GEMIN2: variants seen among roughly 807,000 people sequenced by gnomAD.
The protein encoded by GEMIN2 is gem-associated protein 2.
In GEMIN2, 37 loss-of-function variants were observed where a neutral mutation model predicts 45.8. That is an observed-to-expected ratio of 0.81 (90% CI 0.62 to 1.06). The LOEUF (loss-of-function observed/expected upper bound fraction) is 1.06, where lower values mean the gene tolerates loss of function less well. Among genes scored for constraint, GEMIN2 ranks in the 50% least tolerant of loss-of-function variants. The pLI, the probability that GEMIN2 is intolerant of heterozygous loss-of-function variation, is 0.00. For synonymous variants in GEMIN2, 101 were observed against 111.5 expected (o/e 0.91, Z 0.60); for missense variants, 335 against 321.8 (o/e 1.04, Z -0.31).
Position 39,114,438 on chromosome 14 carries a change from C to A in GEMIN2, c.100C>A (p.Pro34Thr), listed in dbSNP as rs750374468. ...DLTEGFDPSV[P>T]PRTPQEYLRR... ...GACGGAAGGTTTCGATCCCTCGGTA[C>A]CCCCGAGGACGCCTCAGGAATACCT... is the stretch of plus-strand genomic sequence containing the variant. Residue 34 changes from proline (P) to threonine (T), a missense_variant, in exon 1 of 10, where the codon CCC becomes ACC. Transcript: ENST00000308317. 24 of 1,613,600 alleles carry A rather than the reference C, an allele frequency of 1.5e-5. No homozygotes were observed. The East Asian group carries it at 3.3e-4, about 22-fold the overall frequency.
intron 8 of GEMIN2, among the ~76,000 whole-genome samples, 159 bp downstream of exon 8, chr14:39,132,227 T>C (rs2052726226): frequency 6.6e-6 from 1 of 152,124 alleles, no homozygotes; most frequent in Non-Finnish European, 1.5e-5. Context: ...TATGGAAATG[T>C]TTTCTGAGAT....
At chr14:39,132,145 A>G in intron 8 of GEMIN2, 77 bp downstream of exon 8, 1 of 741,802 alleles carries the variant, frequency 1.3e-6, no homozygotes. Context: ...TCAGTGAAAT[A>G]GGAAAACACA....
chr14:39,131,474 G>T (rs1486799443), intron 7 of GEMIN2, among the ~76,000 whole-genome samples: 3 of 152,152 alleles, frequency 2.0e-5, no homozygotes, highest in Admixed American at 2.0e-4. Context: ...TTTTAAAAGG[G>T]AGTGGGGATA....
chr14:39,114,525 G>A (rs375820413), intron 1 of GEMIN2, 50 bp downstream of exon 1: 3 of 1,389,094 alleles, frequency 2.2e-6, no homozygotes, highest in African/African-American at 2.8e-5. Flanking sequence ...CCCTGCCCCT[G>A]GGTACAGCCC....
intron 9 of GEMIN2, 36 bp from the exon 10 acceptor site, chr14:39,136,404 T>C: frequency 9.5e-7 from 1 of 1,056,534 alleles, no homozygotes; most frequent in Non-Finnish European, 1.5e-6. Flanking sequence ...ACAGTTAATA[T>C]CTTTATACAT....
At chr14:39,134,524 A>T (rs2052759852) in intron 9 of GEMIN2, among the ~76,000 whole-genome samples, 1 of 152,188 alleles carries the variant, frequency 6.6e-6, no homozygotes, top group Non-Finnish European at 1.5e-5. Flanking sequence ...ACCTTTTTAA[A>T]GCTTTATAAT....
At position 39,118,536 on chromosome 14, in the gene GEMIN2, T is replaced by C. The variant is rs762623063; in HGVS notation, c.313-4T>C. On this transcript the variant is annotated splice_polypyrimidine_tract_variant and splice_region_variant and intron_variant, in intron 3 of 9. Coordinates refer to ENST00000308317, the MANE Select transcript of GEMIN2 (RefSeq NM_003616.3). ...CATCTAATGTCTAAGTTTTCTTCCTTTAGAATGTGAACAAACATAGAAGTC... is the reference window on the plus strand; with the variant it reads ...CATCTAATGTCTAAGTTTTCTTCCTCTAGAATGTGAACAAACATAGAAGTC... 9.4e-6 allele frequency: 13 copies of C among 1,378,302 alleles called. No homozygotes were observed. The highest frequency in any genetic ancestry group is 1.3e-5 in the Non-Finnish European group (13 of 965,910). 85.4% of individuals were successfully genotyped at this position (1,378,302 alleles called of 1,614,324 possible).
chr14:39,115,023 C>G (rs76348198), intron 2 of GEMIN2, 110 bp downstream of exon 2: 9 of 660,096 alleles, frequency 1.4e-5, no homozygotes, highest in African/African-American at 3.7e-5. Flanking sequence ...TTGACTACTC[C>G]GTGCAAAGTT....
intron 2 of GEMIN2, among the ~76,000 whole-genome samples, chr14:39,116,751 T>G (rs914473319): frequency 5.3e-5 from 8 of 151,946 alleles, no homozygotes; most frequent in African/African-American, 1.9e-4. Flanking sequence ...ATTTGATGGA[T>G]TGATTGATTG....
rs1339996372 is a variant in GEMIN2 at position 39,134,691 on chromosome 14, CCTT to C, written c.770+975_770+977del. Among the ~76,000 whole-genome samples, 4 of 152,082 alleles carry C rather than the reference CCTT, an allele frequency of 2.6e-5. No homozygotes were observed. The South Asian group carries it at 6.2e-4, about 24-fold the overall frequency. Reference sequence around the variant, plus strand: ...TTTCTTAGTGAGGAACCCATTTAATCCTTCTAAGGTGGGTACTGTTAACAGTTT... The same window carrying C: ...TTTCTTAGTGAGGAACCCATTTAATCCTAAGGTGGGTACTGTTAACAGTTT... On this transcript the variant is annotated intron_variant, in intron 9 of 9. Coordinates refer to ENST00000308317, the MANE Select transcript of GEMIN2 (RefSeq NM_003616.3).
At position 39,125,041 on chromosome 14, in the gene GEMIN2, A is replaced by C. The variant is rs2052622710; in HGVS notation, c.531+5A>C. ...ATTGTTAGCAGAATGAATCAGGTAA[A>C]ATTAATAATAGAGATATATGCATTC... On this transcript the variant is annotated splice_donor_5th_base_variant and intron_variant, in intron 6 of 9. Transcript: ENST00000308317. 7.5e-7 allele frequency: 1 copy of C among 1,339,018 alleles called. No individual in the cohort carries two copies. Among genetic ancestry groups the C allele is most frequent in the Non-Finnish European group, 1.1e-6 (1 of 932,806 alleles). 82.9% of individuals were successfully genotyped at this position (1,339,018 alleles called of 1,614,324 possible). A position where few individuals can be genotyped will look rare whatever the true frequency, so the allele number is the denominator to read the frequency against.
chr14:39,131,890 G>T, intron 7 of GEMIN2, 68 bp from the exon 8 acceptor site: 1 of 774,028 alleles, frequency 1.3e-6, no homozygotes, highest in Non-Finnish European at 2.3e-6. Flanking sequence ...GCATAACATT[G>T]GACATTTAAA....
intron 7 of GEMIN2, 119 bp from the exon 8 acceptor site, chr14:39,131,839 T>C: frequency 1.7e-6 from 1 of 600,210 alleles, no homozygotes; most frequent in Non-Finnish European, 2.9e-6. Context: ...AAACATAATA[T>C]AGTTAAATGT....
intron 7 of GEMIN2, among the ~76,000 whole-genome samples, chr14:39,128,697 G>A (rs1461743155): frequency 6.6e-6 from 1 of 151,532 alleles, no homozygotes; most frequent in African/African-American, 2.4e-5. Flanking sequence ...TAGAGACAAG[G>A]TCTCACTGTG....
chr14:39,131,751 C>A (rs1244792976), intron 7 of GEMIN2: 1 of 433,024 alleles, frequency 2.3e-6, no homozygotes, highest in Non-Finnish European at 4.1e-6. Context: ...TTTGAGGTAT[C>A]CAATGTCCTG....
chr14:39,128,373 A>C (rs1028394434), intron 7 of GEMIN2, 25 bp downstream of exon 7: 1 of 1,329,040 alleles, frequency 7.5e-7, no homozygotes, highest in Non-Finnish European at 1.1e-6. Flanking sequence ...TTTTCTTTTC[A>C]TAATGTAGGC....
At chr14:39,130,620 G>C (rs918800820) in intron 7 of GEMIN2, among the ~76,000 whole-genome samples, 1 of 152,108 alleles carries the variant, frequency 6.6e-6, no homozygotes, top group African/African-American at 2.4e-5. Flanking sequence ...ATGGCTGAGT[G>C]GGGTGGCTCA....
Position 39,114,892 on chromosome 14 carries a change from G to T in GEMIN2, c.201G>T (p.Arg67Ser). The T allele has an allele frequency of 1.3e-6, 2 of 1,545,420 alleles. No individual in the cohort carries two copies. Among genetic ancestry groups the T allele is most frequent in the African/African-American group, 1.4e-5 (1 of 73,744 alleles). The change falls in exon 2 of 10, where the codon AGG (arginine) becomes AGT (serine). Residue 67 changes from arginine (R) to serine (S), a missense_variant. Transcript: ENST00000308317. Reference sequence around the variant, plus strand: ...AAATTGACCCAAAGAAGTTGAAAAGGAAGCAAAGTGTGAATATTTCTGTGA... The same window carrying T: ...AAATTGACCCAAAGAAGTTGAAAAGTAAGCAAAGTGTGAATATTTCTGTGA... ...VAQIDPKKLKRKQSVNISLSG... is the reference protein window; with the variant it reads ...VAQIDPKKLKSKQSVNISLSG...
chr14:39,122,418 T>C lies in GEMIN2; in HGVS notation c.373-12T>C. 1 of 1,391,038 alleles carries C rather than the reference T, an allele frequency of 7.2e-7. No individual in the cohort carries two copies. Among genetic ancestry groups the C allele is most frequent in the African/African-American group, 1.4e-5 (1 of 69,114 alleles). 86.2% of individuals were successfully genotyped at this position (1,391,038 alleles called of 1,614,324 possible). A position where few individuals can be genotyped will look rare whatever the true frequency, so the allele number is the denominator to read the frequency against. On this transcript the variant is annotated splice_polypyrimidine_tract_variant and intron_variant, in intron 4 of 9. Coordinates refer to ENST00000308317, the MANE Select transcript of GEMIN2 (RefSeq NM_003616.3). The stretch of plus-strand genomic sequence containing the variant: ...ACACAGGAATAAATCAGTTTTTTTT[T>C]TTTTCTTTTAGCCAAAATCTGAAGA...
Sources: allele counts gnomAD v4.1 joint callset (sites outside exome capture counted in the v4.1 genomes callset), GRCh38; gene constraint gnomAD v4.1.1; transcripts MANE v1.5; gene names NCBI Gene and HGNC (gene_info 2026-07-23, HGNC 2026-07-21).